Variants in MAN2C1 observed in about 807,000 individuals in gnomAD.
MAN2C1 encodes the protein alpha-mannosidase 2C1.
In MAN2C1, 111 loss-of-function variants were observed where a neutral mutation model predicts 126.9. The observed-to-expected ratio is 0.87, with a 90% CI of 0.75 to 1.02. The LOEUF (loss-of-function observed/expected upper bound fraction) is 1.02, where lower values mean the gene tolerates loss of function less well. Ranked by LOEUF, MAN2C1 falls within the 50% of genes least tolerant of loss-of-function variation. The pLI, the probability that MAN2C1 is intolerant of heterozygous loss-of-function variation, is 0.00. For missense variants in MAN2C1, 1,363 were observed against 1,364.4 expected, an observed-to-expected ratio of 1.00 and a Z score of 0.02; for synonymous variants, 567 against 561.5, an observed-to-expected ratio of 1.01 and a Z score of -0.14.
chr15:75,368,021 T>C, intron 2 of MAN2C1, 52 bp downstream of exon 2: 1 of 1,551,692 alleles, frequency 6.4e-7, no homozygotes, highest in South Asian at 1.2e-5. Flanking sequence ...GGGAGCTGGG[T>C]TGGGACTTCC....
Position 75,361,156 on chromosome 15 carries a change from C to T in MAN2C1, c.1350G>A (p.Gly450=). Residue 450 remains glycine (G), a synonymous_variant, in exon 12 of 26, where the codon GGG becomes GGA. Transcript: ENST00000267978. This position sits in a 1 kb window ranked among gnomAD's most constrained non-coding sequence, Gnocchi z 5.0. ...AGAGGAAGGCACTGTGGTTGGCCCGCCCCTTGTCCCGGTTGTTGGCCACGG... is the reference window on the plus strand; with the variant it reads ...AGAGGAAGGCACTGTGGTTGGCCCGTCCCTTGTCCCGGTTGTTGGCCACGG... The part of the protein sequence containing the change: ...LKTVANNRDK[G]RANHSAFLFG... 6.2e-7 allele frequency: 1 copy of T among 1,613,300 alleles called. No homozygotes were observed. Among genetic ancestry groups the T allele is most frequent in the Non-Finnish European group, 8.5e-7 (1 of 1,179,786 alleles).
Position 75,367,497 on chromosome 15 carries a change from A to G in MAN2C1, c.351+14T>C. 1 of 1,613,296 alleles carries G rather than the reference A, an allele frequency of 6.2e-7. No individual in the cohort carries two copies. The highest frequency in any genetic ancestry group is 8.5e-7 in the Non-Finnish European group (1 of 1,179,528). ...AAATGTGGCCATACCTGGCCCTAGGACAGGGTTCCTCACCTGGACAGGTTC... is the reference window on the plus strand; with the variant it reads ...AAATGTGGCCATACCTGGCCCTAGGGCAGGGTTCCTCACCTGGACAGGTTC... On this transcript the variant is annotated intron_variant, in intron 3 of 25. Coordinates refer to ENST00000267978, the MANE Select transcript of MAN2C1 (RefSeq NM_006715.4).
rs1384855861 is a variant in MAN2C1 at position 75,362,663 on chromosome 15, C to T, written c.876G>A (p.Glu292=). ...TGACCTGGGAGCAGGCAAAGATGAA[C>T]TCAGGGTTCCGCTCCATGAGCTGCA... The part of the protein sequence containing the change: ...TALQLMERNP[E]FIFACSQAQQ... The change falls in exon 7 of 26, where the codon GAG becomes GAA. Residue 292 remains glutamate (E), a synonymous_variant. Transcript: ENST00000267978. The surrounding 1 kb of genome is among the most constrained non-coding windows in gnomAD (Gnocchi z 4.5). 1.9e-6 allele frequency: 3 copies of T among 1,614,008 alleles called. No individual in the cohort carries two copies. Among genetic ancestry groups the T allele is most frequent in the Non-Finnish European group, 2.5e-6 (3 of 1,180,008 alleles).
In MAN2C1 at chr15:75,361,269, C is replaced by T. The variant is rs1159953733; in HGVS notation, c.1314+17G>A. ...CTCCAGCCTGCCCCTACCCCACCACCCTAGGTGACCCCTCACCTCCTCCAC... is the reference window on the plus strand; with the variant it reads ...CTCCAGCCTGCCCCTACCCCACCACTCTAGGTGACCCCTCACCTCCTCCAC... On this transcript the variant is annotated intron_variant, in intron 11 of 25. Transcript: ENST00000267978. This position sits in a 1 kb window ranked among gnomAD's most constrained non-coding sequence, Gnocchi z 5.0. 8 of 1,575,548 alleles carry T rather than the reference C, an allele frequency of 5.1e-6. No individual in the cohort carries two copies. Among genetic ancestry groups the T allele is most frequent in the Non-Finnish European group, 6.9e-6 (8 of 1,160,408 alleles).
chr15:75,362,877 C>T lies in MAN2C1; in HGVS notation c.791-129G>A. 1 of 738,284 alleles carries T rather than the reference C, an allele frequency of 1.4e-6. No homozygotes were observed. Among genetic ancestry groups the T allele is most frequent in the Non-Finnish European group, 2.3e-6 (1 of 436,890 alleles). 45.7% of individuals were successfully genotyped at this position (738,284 alleles called of 1,614,324 possible). A position where few individuals can be genotyped will look rare whatever the true frequency, so the allele number is the denominator to read the frequency against. ...CACCCTGGAAAGCCCTGTGGTGTCC[C>T]TCCTAAGTGGTCACTTCACTTCACT... On this transcript the variant is annotated intron_variant, in intron 6 of 25. Transcript: ENST00000267978. This position sits in a 1 kb window ranked among gnomAD's most constrained non-coding sequence, Gnocchi z 4.5.
chr15:75,360,605 A>G lies in MAN2C1; in HGVS notation c.1544T>C (p.Phe515Ser), dbSNP rs1380151308. 4 of 1,613,714 alleles carry G rather than the reference A, an allele frequency of 2.5e-6. No homozygotes were observed. The African/African-American group carries it at 4.0e-5, about 16-fold the overall frequency. ...GTATGTGCCATTGTGCAGCTCCAAG[A>G]AGAGCTCCCCAACCCACGTGCACAG... is the stretch of plus-strand genomic sequence containing the variant. Reference protein sequence around the residue: ...EQLCTWVGELFLELHNGTYTT... With the variant: ...EQLCTWVGELSLELHNGTYTT... The change falls in exon 13 of 26, where the codon TTC (phenylalanine) becomes TCC (serine). Residue 515 changes from phenylalanine to serine, a missense_variant. By Grantham distance (155) the Phe-to-Ser change is radical. Around this residue, in one of 3 missense-constraint regions of MAN2C1, gnomAD observed 67 missense variants for 104.5 expected, o/e 0.64. Transcript: ENST00000267978.
intron 21 of MAN2C1, chr15:75,357,260 T>A: frequency 5.2e-6 from 1 of 193,852 alleles, no homozygotes; most frequent in South Asian, 9.3e-5. Flanking sequence ...TTCTCCTGCC[T>A]CAGCCTCCCA....
chr15:75,364,231 C>T, intron 5 of MAN2C1, 43 bp from the exon 6 acceptor site: 2 of 1,560,810 alleles, frequency 1.3e-6, no homozygotes, highest in South Asian at 2.4e-5. Flanking sequence ...TCAAGCACAG[C>T]TTCCAGACCT....
chr15:75,356,010 C>A lies in MAN2C1; in HGVS notation c.3019G>T (p.Asp1007Tyr). Residue 1007 changes from aspartate (D) to tyrosine (Y), a missense_variant, in exon 26 of 26, where the codon GAC (aspartate) becomes TAC (tyrosine). Transcript: ENST00000267978. This position sits in a 1 kb window ranked among gnomAD's most constrained non-coding sequence, Gnocchi z 5.8. ...CGAAGGGTCAAGTGGCCAGCAGGGT[C>A]TGGTCGCTCCAAGAGATCGCAGCTG... ...AILCDLLERP[D>Y]PAGHLTLRDN... 1 of 1,614,076 alleles carries A rather than the reference C, an allele frequency of 6.2e-7. No homozygotes were observed.
chr15:75,359,754 G>A lies in MAN2C1; in HGVS notation c.1814C>T (p.Thr605Ile), dbSNP rs777378148. 5 of 1,613,960 alleles carry A rather than the reference G, an allele frequency of 3.1e-6. No homozygotes were observed. Among genetic ancestry groups the A allele is most frequent in the Admixed American group, 1.7e-5 (1 of 60,028 alleles). ...HYEDIRSHGN[T>I]LLSAAAAALC... ...GGCTGCGGCTGCAGCGCTGAGCAGTGTATTGCCATGGGAACGGATGTCTGA... is the reference window on the plus strand; with the variant it reads ...GGCTGCGGCTGCAGCGCTGAGCAGTATATTGCCATGGGAACGGATGTCTGA... Residue 605 changes from threonine to isoleucine, a missense_variant, in exon 16 of 26, where the codon ACA becomes ATA. This residue lies in a region of MAN2C1 where 668 missense variants were observed against 650.1 expected (regional missense o/e 1.03). Coordinates refer to ENST00000267978, the MANE Select transcript of MAN2C1 (RefSeq NM_006715.4).
Position 75,359,980 on chromosome 15 carries a change from A to T in MAN2C1, c.1715T>A (p.Leu572His), listed in dbSNP as rs1333572357. 1 of 1,614,050 alleles carries T rather than the reference A, an allele frequency of 6.2e-7. No homozygotes were observed. The highest frequency in any genetic ancestry group is 8.5e-7 in the Non-Finnish European group (1 of 1,179,938). ...CACCACATCATGGAACTGGTTCAGA[A>T]GAAGGAGCCTGCAGGGGCCAAGGGC... ...AQLQHLWRLL[L>H]LNQFHDVVTG... The change falls in exon 15 of 26, where the codon CTT becomes CAT. Residue 572 changes from leucine to histidine, a missense_variant. Physicochemically the swap from Leu to His is moderately conservative, Grantham distance 99 (BLOSUM62 -3). This residue lies in a region of MAN2C1 where 668 missense variants were observed against 650.1 expected (regional missense o/e 1.03). Coordinates refer to ENST00000267978, the MANE Select transcript of MAN2C1 (RefSeq NM_006715.4).
At chr15:75,359,280 GA>G (rs2072415102) in intron 17 of MAN2C1, 47 bp downstream of exon 17, 1 of 1,581,112 alleles carries the variant, frequency 6.3e-7, no homozygotes, top group Admixed American at 1.7e-5. Context: ...TCAGTTGTAA[GA>G]AAGTATCCCA....
In MAN2C1 at chr15:75,360,985, A is replaced by AGGCAGG. The variant is rs1271850153; in HGVS notation, c.1460+55_1460+60dup. 99 of 1,553,676 alleles carry AGGCAGG rather than the reference A, an allele frequency of 6.4e-5. No individual in the cohort carries two copies. In the African/African-American group the frequency reaches 1.3e-3, roughly 20 times the overall value. On this transcript the variant is annotated intron_variant, in intron 12 of 25. Transcript: ENST00000267978. Reference sequence around the variant, plus strand: ...GGGGTTGGGCCCAATGTCTGAGGGAAGGCAGGGCTCATGGCAAGGGCCCAG... The same window carrying AGGCAGG: ...GGGGTTGGGCCCAATGTCTGAGGGAAGGCAGGGGCAGGGCTCATGGCAAGGGCCCAG...
In MAN2C1 at chr15:75,356,267, C is replaced by A; in HGVS notation, c.2886+34G>T. 1 of 1,611,184 alleles carries A rather than the reference C, an allele frequency of 6.2e-7. No homozygotes were observed. Among genetic ancestry groups the A allele is most frequent in the Non-Finnish European group, 8.5e-7 (1 of 1,178,532 alleles). The stretch of plus-strand genomic sequence containing the variant: ...GGAGGGGCCGAGGGCAGGCCCAGTT[C>A]GGAACCCCGTCCCCAGCACGTCCCA... On this transcript the variant is annotated intron_variant, in intron 24 of 25. Coordinates refer to ENST00000267978, the MANE Select transcript of MAN2C1 (RefSeq NM_006715.4). This position sits in a 1 kb window ranked among gnomAD's most constrained non-coding sequence, Gnocchi z 5.8.
chr15:75,368,149 G>C lies in MAN2C1; in HGVS notation c.151C>G (p.Pro51Ala), dbSNP rs2072621760. The change falls in exon 2 of 26, where the codon CCG becomes GCG. Residue 51 changes from proline (P) to alanine (A), a missense_variant. Physicochemically the swap from Pro to Ala is conservative, Grantham distance 27. This residue lies in a region of MAN2C1 where 628 missense variants were observed against 609.8 expected (regional missense o/e 1.03). Transcript: ENST00000267978. ...PVAVLSSFLT[P>A]ERLPYQEAVQ... ...GCCTCCTGGTAGGGAAGTCTCTCCG[G>C]CGTCAGGAAGCTGGAGAGCACAGCC... The C allele has an allele frequency of 1.2e-6, 2 of 1,604,486 alleles. No individual in the cohort carries two copies. The highest frequency in any genetic ancestry group is 1.7e-6 in the Non-Finnish European group (2 of 1,176,890).
chr15:75,363,080 TG>T, intron 6 of MAN2C1: 1 of 413,332 alleles, frequency 2.4e-6, no homozygotes, highest in Non-Finnish European at 4.7e-6. Flanking sequence ...TGCACAAACT[TG>T]ATGTATACCT....
chr15:75,356,495 C>A lies in MAN2C1; in HGVS notation c.2738-46G>T. The A allele has an allele frequency of 6.4e-7, 1 of 1,566,244 alleles. No homozygotes were observed. The highest frequency in any genetic ancestry group is 8.6e-7 in the Non-Finnish European group (1 of 1,156,902). Reference sequence around the variant, plus strand: ...AATGCTGGTGGAGAATGGGGGCTACCCTCCCCTGTCCCTAGAAGGGGCAGG... The same window carrying A: ...AATGCTGGTGGAGAATGGGGGCTACACTCCCCTGTCCCTAGAAGGGGCAGG... On this transcript the variant is annotated intron_variant, in intron 23 of 25. Coordinates refer to ENST00000267978, the MANE Select transcript of MAN2C1 (RefSeq NM_006715.4). The surrounding 1 kb of genome is among the most constrained non-coding windows in gnomAD (Gnocchi z 5.8).
chr15:75,356,356 G>T lies in MAN2C1; in HGVS notation c.2831C>A (p.Ser944Tyr). The change falls in exon 24 of 26, where the codon TCC becomes TAC. Residue 944 changes from serine to tyrosine, a missense_variant. Transcript: ENST00000267978. This position sits in a 1 kb window ranked among gnomAD's most constrained non-coding sequence, Gnocchi z 5.8. ...LPAPSPAPATSWSAFSVSSPA... is the reference protein window; with the variant it reads ...LPAPSPAPATYWSAFSVSSPA... ...TGAAGACACGGAAAACGCACTCCAG[G>T]AGGTGGCGGGCGCTGGGCTGGGGGC... 6.2e-7 allele frequency: 1 copy of T among 1,612,366 alleles called. No individual in the cohort carries two copies. Among genetic ancestry groups the T allele is most frequent in the Non-Finnish European group, 8.5e-7 (1 of 1,179,462 alleles).
chr15:75,364,612 C>T lies in MAN2C1; in HGVS notation c.476G>A (p.Gly159Glu). Reference protein sequence around the residue: ...ACNGLLGAGKGSMIAAPDPEK... With the variant: ...ACNGLLGAGKESMIAAPDPEK... ...AGGGTCAGGGGCTGCAATCATGCTTCCCTTCCCGGCCCCCAGGAGCCCATT... is the reference window on the plus strand; with the variant it reads ...AGGGTCAGGGGCTGCAATCATGCTTTCCTTCCCGGCCCCCAGGAGCCCATT... Residue 159 changes from glycine (G) to glutamate (E), a missense_variant, in exon 5 of 26, where the codon GGA (glycine) becomes GAA (glutamate). Physicochemically the swap from Gly to Glu is moderately conservative, Grantham distance 98. Transcript: ENST00000267978. 1 of 1,613,608 alleles carries T rather than the reference C, an allele frequency of 6.2e-7. No individual in the cohort carries two copies. The highest frequency in any genetic ancestry group is 1.7e-5 in the Admixed American group (1 of 59,976).
Sources: gnomAD v4.1 joint callset for allele counts on GRCh38, gnomAD v4.1.1 for gene constraint, gnomAD v4.1.1 regional missense constraint, Gnocchi (gnomAD v3.1) non-coding constraint, MANE v1.5 for transcripts, NCBI Gene and HGNC (gene_info 2026-07-23, HGNC 2026-07-21) for gene names.